Variants in CHST15 observed in about 807,000 individuals in gnomAD.
CHST15 encodes the protein B cell RAG associated protein (GALNAC4S-6ST).
A neutral mutation model predicts 53.6 loss-of-function variants in CHST15; 30 were observed. The observed-to-expected ratio is 0.56, with a 90% CI of 0.42 to 0.76. The LOEUF (loss-of-function observed/expected upper bound fraction) is 0.76, where lower values mean the gene tolerates loss of function less well. Ranked by LOEUF, CHST15 falls within the 30% of genes least tolerant of loss-of-function variation. The pLI is 0.00. For synonymous variants in CHST15, 296 were observed against 289.8 expected (o/e 1.02, Z -0.22); for missense variants, 627 against 740.5 (o/e 0.85, Z 1.78).
At position 124,045,667 on chromosome 10, in the gene CHST15, A is replaced by G. The variant is rs2134010179; in HGVS notation, c.546T>C (p.His182=). 1 of 1,583,486 alleles carries G rather than the reference A, an allele frequency of 6.3e-7. No individual in the cohort carries two copies. The highest frequency in any genetic ancestry group is 8.6e-7 in the Non-Finnish European group (1 of 1,164,720). Residue 182 remains histidine (H), a splice_region_variant and synonymous_variant, in exon 2 of 8, where the codon CAT becomes CAC. Transcript: ENST00000435907. ...TCAAGATTAGCACAAAGCTACTCACATGCAACTCCTGCTTCTTAAGGTCTT... is the reference window on the plus strand; with the variant it reads ...TCAAGATTAGCACAAAGCTACTCACGTGCAACTCCTGCTTCTTAAGGTCTT... The part of the protein sequence containing the change: ...DLEDLKKQEL[H]MFSVIPNKFL...
At position 124,021,238 on chromosome 10, in the gene CHST15, G is replaced by GT. The variant is rs1554903155; in HGVS notation, c.1347+17_1347+18insA. On this transcript the variant is annotated intron_variant, in intron 6 of 7. Coordinates refer to ENST00000435907, the MANE Select transcript of CHST15 (RefSeq NM_001270764.2). Reference sequence around the variant, plus strand: ...GCCAGGGGCCAGCTCGGGGGGTACGGGGGGGGGGGGTACACACAGGCATGG... The same window carrying GT: ...GCCAGGGGCCAGCTCGGGGGGTACGGTGGGGGGGGGGTACACACAGGCATGG... The GT allele has an allele frequency of 5.2e-6, 4 of 770,894 alleles. No homozygotes were observed. Among genetic ancestry groups the GT allele is most frequent in the East Asian group, 3.8e-5 (1 of 26,136 alleles). 47.8% of individuals were successfully genotyped at this position (770,894 alleles called of 1,614,324 possible).
intron 1 of CHST15, among the ~76,000 whole-genome samples, chr10:124,060,597 C>A (rs1034693969): frequency 6.7e-6 from 1 of 149,074 alleles, no homozygotes; most frequent in African/African-American, 2.5e-5. Flanking sequence ...AGGTGTGCTT[C>A]CCCCAGGGGC....
chr10:124,077,435 GA>G (rs2048807771), intron 1 of CHST15, among the ~76,000 whole-genome samples: 1 of 152,188 alleles, frequency 6.6e-6, no homozygotes, highest in Admixed American at 6.5e-5. Flanking sequence ...TTCATCCCCA[GA>G]GTCCAGACCA....
rs1946923347 is a variant in CHST15, at chr10:124,024,548, G to A, written c.1191-3136C>T. ...AGCAAAGGGGCTCGGTGGCCACTGA[G>A]TAGATTTCCCCAGATCCACACTCGC... On this transcript the variant is annotated intron_variant, in intron 5 of 7. Coordinates refer to ENST00000435907, the MANE Select transcript of CHST15 (RefSeq NM_001270764.2). The surrounding 1 kb of genome is among the most constrained non-coding windows in gnomAD (Gnocchi z 4.0). 6.6e-6 allele frequency among the ~76,000 whole-genome samples: 1 copy of A among 151,556 alleles called. No individual in the cohort carries two copies. The highest frequency in any genetic ancestry group is 1.9e-4 in the East Asian group (1 of 5,146).
In CHST15 at chr10:124,044,761, G is replaced by T; in HGVS notation, c.705C>A (p.Ala235=). The T allele has an allele frequency of 6.2e-7, 1 of 1,612,736 alleles. No homozygotes were observed. Among genetic ancestry groups the T allele is most frequent in the Non-Finnish European group, 8.5e-7 (1 of 1,179,404 alleles). The change falls in exon 3 of 8, where the codon GCC becomes GCA. Residue 235 remains alanine, a synonymous_variant. Coordinates refer to ENST00000435907, the MANE Select transcript of CHST15 (RefSeq NM_001270764.2). The stretch of plus-strand genomic sequence containing the variant: ...GCGCGTGCGCCAGGTGGCCCCAGAA[G>T]GCCTTGCGCAGGGCGTCGAAGGTGG... ...FRSTFDALRK[A]FWGHLAHAHG...
At chr10:124,091,062 C>T (rs1370931967) in intron 1 of CHST15, among the ~76,000 whole-genome samples, 3 of 152,238 alleles carry the variant, frequency 2.0e-5, no homozygotes, top group Non-Finnish European at 4.4e-5. Flanking sequence ...TAACAAGCCA[C>T]TTTACCTCAC....
chr10:124,034,103 C>T (rs1947329782), intron 5 of CHST15, among the ~76,000 whole-genome samples: 1 of 152,186 alleles, frequency 6.6e-6, no homozygotes, highest in African/African-American at 2.4e-5. Context: ...AGGGGGTAGG[C>T]ACTGGGTCGC....
intron 5 of CHST15, among the ~76,000 whole-genome samples, chr10:124,023,840 G>A (rs963375674): frequency 7.2e-5 from 10 of 139,268 alleles, no homozygotes; most frequent in East Asian, 5.7e-4. Context: ...CCATATTTCC[G>A]TCTTCGTTTT....
At chr10:124,059,531 T>C (rs1423049106) in intron 1 of CHST15, among the ~76,000 whole-genome samples, 1 of 152,162 alleles carries the variant, frequency 6.6e-6, no homozygotes, top group Non-Finnish European at 1.5e-5. Context: ...CTTGCCCACT[T>C]TGACCTGACT....
rs1039596724 is a variant in CHST15, at chr10:124,038,440, T to C, written c.1190+75A>G. On this transcript the variant is annotated intron_variant, in intron 5 of 7. Transcript: ENST00000435907. ...TTTTCTAAAGGAGACAAAATCTTAT[T>C]TGTCATGAGAGGGGAACACTGTTCT... 9.8e-6 allele frequency: 15 copies of C among 1,536,304 alleles called. No homozygotes were observed. The African/African-American group carries it at 1.9e-4, about 20-fold the overall frequency.
At chr10:124,033,902 A>G (rs1947321619) in intron 5 of CHST15, among the ~76,000 whole-genome samples, 1 of 152,198 alleles carries the variant, frequency 6.6e-6, no homozygotes, top group Non-Finnish European at 1.5e-5. Flanking sequence ...TGACCCCCAG[A>G]AACTGTTTGA....
chr10:124,056,901 G>A (rs758238487), intron 1 of CHST15, among the ~76,000 whole-genome samples: 8 of 150,480 alleles, frequency 5.3e-5, no homozygotes, highest in Non-Finnish European at 1.0e-4. Flanking sequence ...CTGTACGACC[G>A]GACACATTGC....
chr10:124,079,677 C>T (rs954257446), intron 1 of CHST15, among the ~76,000 whole-genome samples: 5 of 152,306 alleles, frequency 3.3e-5, no homozygotes, highest in South Asian at 2.1e-4. Flanking sequence ...TTCTTACTGA[C>T]GAGGAGACAG....
At chr10:124,031,686 T>C (rs952617294) in intron 5 of CHST15, among the ~76,000 whole-genome samples, 1 of 152,232 alleles carries the variant, frequency 6.6e-6, no homozygotes, top group Non-Finnish European at 1.5e-5. Context: ...TAATAACTGA[T>C]ACCTAATAAT....
At chr10:124,043,363 C>T (rs1456322083) in intron 3 of CHST15, among the ~76,000 whole-genome samples, 1 of 152,248 alleles carries the variant, frequency 6.6e-6, no homozygotes, top group Non-Finnish European at 1.5e-5. Flanking sequence ...GAAACCCTGG[C>T]TCCTACAGTG....
chr10:124,060,490 G>T (rs1199072132), intron 1 of CHST15, among the ~76,000 whole-genome samples: 1 of 144,940 alleles, frequency 6.9e-6, no homozygotes, highest in African/African-American at 2.6e-5. Flanking sequence ...GCCCCCCAGG[G>T]GTGTGTGGAG....
Position 124,036,662 on chromosome 10 carries a change from GCA to G in CHST15, c.1190+1851_1190+1852del, listed in dbSNP as rs36082614. On this transcript the variant is annotated intron_variant, in intron 5 of 7. Coordinates refer to ENST00000435907, the MANE Select transcript of CHST15 (RefSeq NM_001270764.2). This position sits in a 1 kb window ranked among gnomAD's most constrained non-coding sequence, Gnocchi z 5.1. Reference sequence around the variant, plus strand: ...TAAGACTGTCCTGTCACACCCATGTGCACACACACACACACACACACTTATTT... The same window carrying G: ...TAAGACTGTCCTGTCACACCCATGTGCACACACACACACACACACTTATTT... 0.065 allele frequency among the ~76,000 whole-genome samples: 9,781 copies of G among 149,526 alleles called. 438 individuals are homozygous for G. The highest frequency in any genetic ancestry group is 0.19 in the East Asian group (971 of 5,126).
At chr10:124,067,986 C>T (rs4073218) in intron 1 of CHST15, among the ~76,000 whole-genome samples, 2 of 151,972 alleles carry the variant, frequency 1.3e-5, no homozygotes, top group African/African-American at 4.8e-5. Flanking sequence ...GTTGTGTCTG[C>T]GGGTGCAAAG....
At chr10:124,079,780 G>A (rs1949180009) in intron 1 of CHST15, among the ~76,000 whole-genome samples, 1 of 152,218 alleles carries the variant, frequency 6.6e-6, no homozygotes, top group African/African-American at 2.4e-5. Context: ...CACAGCCAGG[G>A]CCGGAAAGCA....
Sources: gnomAD v4.1 joint callset for allele counts (sites outside exome capture counted in the v4.1 genomes callset) on GRCh38, gnomAD v4.1.1 for gene constraint, Gnocchi (gnomAD v3.1) non-coding constraint, MANE v1.5 for transcripts, NCBI Gene and HGNC (gene_info 2026-07-23, HGNC 2026-07-21) for gene names.